Variants in PPM1B observed in about 807,000 individuals in gnomAD.
The protein encoded by PPM1B is protein phosphatase, Mg2+/Mn2+ dependent 1B.
PPM1B carries 22 observed loss-of-function variants against 43.0 expected under a neutral mutation model. The observed-to-expected ratio is 0.51, with a 90% CI of 0.37 to 0.73. The LOEUF (loss-of-function observed/expected upper bound fraction) is 0.73. Among genes scored for constraint, PPM1B ranks in the 30% least tolerant of loss-of-function variants. The pLI is 0.00. For synonymous variants in PPM1B, 217 were observed against 197.9 expected, an observed-to-expected ratio of 1.10 and a Z score of -0.81; for missense variants, 632 against 584.2, an observed-to-expected ratio of 1.08 and a Z score of -0.84.
chr2:44,175,820 C>G (rs895448379), intron 1 of PPM1B, among the ~76,000 whole-genome samples: 5 of 145,620 alleles, frequency 3.4e-5, no homozygotes, highest in Middle Eastern at 3.4e-3. Context: ...GAGTCTCACT[C>G]TGTCACCCAG....
At chr2:44,177,023 G>T (rs1039936732) in intron 1 of PPM1B, among the ~76,000 whole-genome samples, 2 of 152,208 alleles carry the variant, frequency 1.3e-5, no homozygotes, top group East Asian at 3.9e-4. Context: ...CAGGTGATCT[G>T]CCCGCCTCAG....
chr2:44,230,676 T>C lies in PPM1B; in HGVS notation c.1398T>C (p.Ser466=), dbSNP rs1275867761. 2.5e-6 allele frequency: 4 copies of C among 1,613,628 alleles called. No individual in the cohort carries two copies. In the Admixed American group the frequency reaches 5.0e-5, roughly 20 times the overall value. The change falls in exon 6 of 6, where the codon TCT becomes TCC. Residue 466 remains serine (S), a synonymous_variant. Transcript: ENST00000282412. ...SESGLAELDS[S]NEDAGTKMSG... ...GTGGTCTTGCTGAATTAGACAGCTC[T>C]AATGAAGATGCAGGGACAAAGATGA...
At chr2:44,215,094 ATGATCTCTAGG>A (rs1229978141) in intron 3 of PPM1B, among the ~76,000 whole-genome samples, 2 of 152,214 alleles carry the variant, frequency 1.3e-5, no homozygotes, top group Non-Finnish European at 2.9e-5. Context: ...AATATGTAAT[ATGATCTCTAGG>A]GCCTGTAGCA....
At position 44,230,545 on chromosome 2, in the gene PPM1B, G is replaced by C. The variant is rs758695856; in HGVS notation, c.1267G>C (p.Val423Leu). The change falls in exon 6 of 6, where the codon GTA (valine) becomes CTA (leucine). Residue 423 changes from valine (V) to leucine (L), a missense_variant. By Grantham distance (32) the Val-to-Leu change is conservative (BLOSUM62 1). This residue lies in a region of PPM1B where 392 missense variants were observed against 302.7 expected (regional missense o/e 1.29). Coordinates refer to ENST00000282412, the MANE Select transcript of PPM1B (RefSeq NM_002706.6). ...GCTGACTAGTTACAGGCTAGCTAAA[G>C]TAGAGGGAGAAGAAAGCCCTGCTGA... ...EMLTSYRLAKVEGEESPAEPA... is the reference protein window; with the variant it reads ...EMLTSYRLAKLEGEESPAEPA... 6.2e-7 allele frequency: 1 copy of C among 1,614,162 alleles called. No homozygotes were observed. Among genetic ancestry groups the C allele is most frequent in the Non-Finnish European group, 8.5e-7 (1 of 1,180,006 alleles).
At chr2:44,236,422 A>AAAAAAAAAAAAAAAAAAAAAAAAAAT (rs1670615297), downstream of PPM1B, among the ~76,000 whole-genome samples, 1 of 142,850 alleles carries the variant, frequency 7.0e-6, no homozygotes, top group Non-Finnish European at 1.6e-5. Flanking sequence ...AAAAAAAAAA[A>AAAAAAAAAAAAAAAAAAAAAAAAAAT]AAAAAGTTGT....
downstream of PPM1B, chr2:44,233,104 A>T: frequency 2.0e-6 from 2 of 979,482 alleles, no homozygotes; most frequent in Non-Finnish European, 2.4e-6. Flanking sequence ...TTTTTTAAAG[A>T]TGAGATTTGC....
intron 1 of PPM1B, among the ~76,000 whole-genome samples, chr2:44,193,276 A>G (rs946499446): frequency 4.4e-4 from 67 of 152,162 alleles, no homozygotes; most frequent in African/African-American, 1.5e-3. Flanking sequence ...ATGATATGTC[A>G]TTGTGCCTTT....
chr2:44,202,480 TC>T (rs1668986851), intron 2 of PPM1B, among the ~76,000 whole-genome samples: 1 of 152,190 alleles, frequency 6.6e-6, no homozygotes. Flanking sequence ...TAAAATTTAG[TC>T]CTGAGCCTCC....
intron 5 of PPM1B, among the ~76,000 whole-genome samples, chr2:44,240,821 C>G (rs1670728387): frequency 6.9e-6 from 1 of 145,642 alleles, no homozygotes; most frequent in Non-Finnish European, 1.5e-5. Context: ...GAGTCCCGAG[C>G]TCCAGCAGCA....
Position 44,201,987 on chromosome 2 carries a change from A to G in PPM1B, c.788A>G (p.Glu263Gly). The G allele has an allele frequency of 3.1e-6, 5 of 1,612,858 alleles. No individual in the cohort carries two copies. The highest frequency in any genetic ancestry group is 4.2e-6 in the Non-Finnish European group (5 of 1,179,370). The part of the protein sequence containing the change: ...ELCEYVKSRL[E>G]VSDDLENVCN... Reference sequence around the variant, plus strand: ...TGTGAATATGTTAAATCTAGGCTTGAGGTATCTGATGACCTGGAAAATGTG... The same window carrying G: ...TGTGAATATGTTAAATCTAGGCTTGGGGTATCTGATGACCTGGAAAATGTG... The change falls in exon 2 of 6, where the codon GAG becomes GGG. Residue 263 changes from glutamate to glycine, a missense_variant. Physicochemically the swap from Glu to Gly is moderately conservative, Grantham distance 98. This residue lies in a region of PPM1B where 392 missense variants were observed against 302.7 expected (regional missense o/e 1.29). Transcript: ENST00000282412. The surrounding 1 kb of genome is among the most constrained non-coding windows in gnomAD (Gnocchi z 5.4).
chr2:44,209,422 G>T (rs1033766256), intron 3 of PPM1B, 95 bp downstream of exon 3: 1 of 1,340,364 alleles, frequency 7.5e-7, no homozygotes, highest in South Asian at 1.6e-5. Flanking sequence ...ACACACCAAG[G>T]CTCTGTCTCA....
downstream of PPM1B, chr2:44,232,635 C>T: frequency 3.3e-6 from 4 of 1,224,190 alleles, no homozygotes; most frequent in Non-Finnish European, 4.1e-6. Context: ...CACCACAAAT[C>T]AACAATGTGC....
chr2:44,187,220 G>C (rs928797931), intron 1 of PPM1B, among the ~76,000 whole-genome samples: 1 of 152,144 alleles, frequency 6.6e-6, no homozygotes, highest in Non-Finnish European at 1.5e-5. Flanking sequence ...TGTCCATGTT[G>C]TAGCATGTGA....
chr2:44,238,721 A>AG (rs1670683984), downstream of PPM1B, among the ~76,000 whole-genome samples: 1 of 151,894 alleles, frequency 6.6e-6, no homozygotes, highest in African/African-American at 2.4e-5. Flanking sequence ...AAAAAAAAAA[A>AG]CATTTTAGGG....
At chr2:44,181,211 A>C (rs1488708590) in intron 1 of PPM1B, among the ~76,000 whole-genome samples, 1 of 152,136 alleles carries the variant, frequency 6.6e-6, no homozygotes, top group African/African-American at 2.4e-5. Flanking sequence ...GGCCTCCAGA[A>C]GTGCTGGGAT....
intron 1 of PPM1B, among the ~76,000 whole-genome samples, chr2:44,186,306 A>G (rs894217915): frequency 6.6e-6 from 1 of 152,218 alleles, no homozygotes; most frequent in Non-Finnish European, 1.5e-5. Context: ...AACACTTTGG[A>G]GTATATGTGG....
intron 5 of PPM1B, among the ~76,000 whole-genome samples, chr2:44,221,852 G>T (rs979633340): frequency 4.6e-5 from 7 of 151,918 alleles, no homozygotes; most frequent in Non-Finnish European, 7.4e-5. Flanking sequence ...TATTCAGAAA[G>T]GTTACTATTT....
At chr2:44,215,589 A>G (rs984445362) in intron 3 of PPM1B, among the ~76,000 whole-genome samples, 1 of 152,170 alleles carries the variant, frequency 6.6e-6, no homozygotes, top group African/African-American at 2.4e-5. Context: ...GTACTTGGTA[A>G]ATCTGTGTGT....
chr2:44,202,191 T>G, intron 2 of PPM1B, 146 bp downstream of exon 2: 1 of 826,720 alleles, frequency 1.2e-6, no homozygotes, highest in South Asian at 3.0e-5. Flanking sequence ...ATGAAACCAT[T>G]GTTTTCTTTG....
Sources: allele counts gnomAD v4.1 joint callset (sites outside exome capture counted in the v4.1 genomes callset), GRCh38; gene constraint gnomAD v4.1.1; regional missense constraint gnomAD v4.1.1; non-coding constraint Gnocchi (gnomAD v3.1); transcripts MANE v1.5; gene names NCBI Gene and HGNC (gene_info 2026-07-23, HGNC 2026-07-21).